NCKAP5: variants seen among roughly 807,000 people sequenced by gnomAD.
NCKAP5 encodes the protein NCK associated protein 5, also known as nck-associated protein 5.
NCKAP5 carries 92 observed loss-of-function variants against 167.0 expected under a neutral mutation model. The ratio of observed to expected loss-of-function variants is 0.55; its 90% confidence interval spans 0.47 to 0.66. NCKAP5 has a LOEUF of 0.66. Ranked by LOEUF, NCKAP5 falls within the 30% of genes least tolerant of loss-of-function variation. The pLI is 0.00. For missense variants in NCKAP5, 2,378 were observed against 2,315.0 expected (o/e 1.03, Z -0.56); for synonymous variants, 891 against 877.4 (o/e 1.02, Z -0.27).
At chr2:133,131,171 T>A (rs1428053095) in intron 5 of NCKAP5, among the ~76,000 whole-genome samples, 1 of 152,136 alleles carries the variant, frequency 6.6e-6, no homozygotes, top group Admixed American at 6.6e-5. Context: ...ATTCTGAGGA[T>A]CATGAAAGAA....
chr2:133,010,729 G>T (rs1206217876), intron 6 of NCKAP5, among the ~76,000 whole-genome samples: 5 of 152,188 alleles, frequency 3.3e-5, no homozygotes, highest in African/African-American at 1.2e-4. Flanking sequence ...ATAGTCAAGT[G>T]TCTTCAAGTA....
chr2:133,449,476 C>T (rs2151192949), intron 3 of NCKAP5, among the ~76,000 whole-genome samples: 1 of 152,294 alleles, frequency 6.6e-6, no homozygotes, highest in South Asian at 2.1e-4. Flanking sequence ...ACAGGGAACA[C>T]ACGTTCTCCC....
intron 3 of NCKAP5, among the ~76,000 whole-genome samples, chr2:133,478,527 G>T (rs112024160): frequency 2.6e-5 from 4 of 152,090 alleles, no homozygotes; most frequent in Non-Finnish European, 4.4e-5. Flanking sequence ...CTGACACCTC[G>T]ATAGGCAGGG....
chr2:132,674,230 G>A (rs1684128631), intron 19 of NCKAP5, among the ~76,000 whole-genome samples: 1 of 152,128 alleles, frequency 6.6e-6, no homozygotes, highest in Non-Finnish European at 1.5e-5. Flanking sequence ...ATGATAGTAA[G>A]TGTTACCATT....
In NCKAP5 at chr2:133,304,716, C is replaced by T. The variant is rs146912988; in HGVS notation, c.70-1606G>A. ...TATTCATTTTTTCTTCACTTAACAACTATTTTTAAACATCTGTTAGATGCG... is the reference window on the plus strand; with the variant it reads ...TATTCATTTTTTCTTCACTTAACAATTATTTTTAAACATCTGTTAGATGCG... On this transcript the variant is annotated intron_variant, in intron 3 of 19. Transcript: ENST00000409261. Among the ~76,000 whole-genome samples, 235 of 152,324 alleles carry T rather than the reference C, an allele frequency of 1.5e-3. 1 individual carries two copies. The highest frequency in any genetic ancestry group is 5.5e-3 in the African/African-American group (227 of 41,568).
chr2:132,926,092 G>T, intron 8 of NCKAP5: 1 of 273,182 alleles, frequency 3.7e-6, no homozygotes. Flanking sequence ...TTAGGTCCAT[G>T]TGTACACATT....
At position 133,006,044 on chromosome 2, in the gene NCKAP5, C is replaced by T. The variant is rs548510266; in HGVS notation, c.342-11805G>A. Among the ~76,000 whole-genome samples the T allele has an allele frequency of 5.5e-4, 84 of 152,102 alleles. 3 individuals are homozygous for T. In the South Asian group the frequency reaches 0.017, roughly 30 times the overall value. On this transcript the variant is annotated intron_variant, in intron 6 of 19. Coordinates refer to ENST00000409261, the MANE Select transcript of NCKAP5 (RefSeq NM_207363.3). ...GGCTGAGGCAGGAGGTTCACTTGAG[C>T]TCAGGAGTTCAGGACCAGCCTGAGC...
the NCKAP5 span, among the ~76,000 whole-genome samples, chr2:133,645,908 T>G: frequency 6.6e-6 from 1 of 151,808 alleles, no homozygotes; most frequent in Non-Finnish European, 1.5e-5. Flanking sequence ...ATATCTCTTT[T>G]GGTTCTTAAG....
intron 4 of NCKAP5, among the ~76,000 whole-genome samples, chr2:133,217,465 G>A (rs2086480343): frequency 1.3e-5 from 2 of 152,006 alleles, no homozygotes; most frequent in Non-Finnish European, 1.5e-5. Context: ...CTCATCTAAA[G>A]TATATTAAAC....
chr2:132,880,850 C>T (rs1016360184), intron 8 of NCKAP5, among the ~76,000 whole-genome samples: 2 of 152,150 alleles, frequency 1.3e-5, no homozygotes, highest in Non-Finnish European at 2.9e-5. Flanking sequence ...TCTGCCATAT[C>T]GATTCCTTTC....
chr2:133,455,043 C>T (rs1380794163), intron 3 of NCKAP5, among the ~76,000 whole-genome samples: 4 of 151,962 alleles, frequency 2.6e-5, no homozygotes, highest in Admixed American at 2.6e-4. Context: ...GTATCTGAGT[C>T]TTTGTTAAAA....
the NCKAP5 span, among the ~76,000 whole-genome samples, chr2:133,609,349 A>G: frequency 1.3e-5 from 2 of 152,276 alleles, no homozygotes; most frequent in African/African-American, 2.4e-5. Context: ...AAACAATGTC[A>G]TATTTAATTT....
intron 3 of NCKAP5, among the ~76,000 whole-genome samples, chr2:133,485,369 G>A (rs1180874011): frequency 6.6e-6 from 1 of 152,032 alleles, no homozygotes; most frequent in Non-Finnish European, 1.5e-5. Flanking sequence ...TCTCTAAATG[G>A]ACTGATTTAC....
intron 5 of NCKAP5, among the ~76,000 whole-genome samples, chr2:133,176,899 G>C (rs980418349): frequency 3.3e-5 from 5 of 152,084 alleles, no homozygotes; most frequent in Admixed American, 1.3e-4. Flanking sequence ...AAGTCCATAT[G>C]CTAGAAAAGC....
intron 3 of NCKAP5, among the ~76,000 whole-genome samples, chr2:133,478,459 G>T (rs1299745176): frequency 6.6e-6 from 1 of 152,094 alleles, no homozygotes; most frequent in East Asian, 1.9e-4. Flanking sequence ...AACCTTCCTA[G>T]AAATCTCTGG....
At chr2:133,074,085 G>A (rs1424662475) in intron 6 of NCKAP5, among the ~76,000 whole-genome samples, 1 of 152,084 alleles carries the variant, frequency 6.6e-6, no homozygotes, top group African/African-American at 2.4e-5. Flanking sequence ...CCATATCTTT[G>A]TTCTTTGGAC....
intron 5 of NCKAP5, among the ~76,000 whole-genome samples, chr2:133,146,014 A>C (rs1253818747): frequency 6.6e-6 from 1 of 152,066 alleles, no homozygotes; most frequent in African/African-American, 2.4e-5. Context: ...GTCCTTTATT[A>C]TTGTTTCTGC....
At chr2:133,078,442 T>C (rs2080686590) in intron 6 of NCKAP5, among the ~76,000 whole-genome samples, 1 of 152,076 alleles carries the variant, frequency 6.6e-6, no homozygotes, top group Non-Finnish European at 1.5e-5. Flanking sequence ...GTCTGGAACC[T>C]GTAGCTTTAC....
At chr2:132,776,216 C>T (rs1465513891) in intron 15 of NCKAP5, among the ~76,000 whole-genome samples, 2 of 152,134 alleles carry the variant, frequency 1.3e-5, no homozygotes, top group African/African-American at 4.8e-5. Context: ...GATATGAAGG[C>T]AATATTCCAA....
Sources: allele counts gnomAD v4.1 joint callset (sites outside exome capture counted in the v4.1 genomes callset), GRCh38; gene constraint gnomAD v4.1.1; transcripts MANE v1.5; gene names NCBI Gene and HGNC (gene_info 2026-07-23, HGNC 2026-07-21).